The following CDYL2 variants were observed in gnomAD, a reference collection of about 807,000 sequenced individuals.
CDYL2 encodes chromodomain Y-like protein 2.
A neutral mutation model predicts 49.4 loss-of-function variants in CDYL2; 23 were observed. That is an observed-to-expected ratio of 0.47 (90% CI 0.34 to 0.66). The LOEUF is 0.66. CDYL2 is among the 30% of genes least tolerant of loss of function. The pLI, the probability that CDYL2 is intolerant of heterozygous loss-of-function variation, is 0.01. For synonymous variants in CDYL2, 360 were observed against 268.8 expected (o/e 1.34, Z -3.32); for missense variants, 678 against 656.4 (o/e 1.03, Z -0.36).
intron 1 of CDYL2, among the ~76,000 whole-genome samples, chr16:80,728,239 G>C (rs1456400830): frequency 3.3e-5 from 5 of 152,042 alleles, no homozygotes; most frequent in Non-Finnish European, 7.4e-5. Context: ...AACCAATACA[G>C]AGAAGTGCTT....
At chr16:80,776,675 A>G (rs1208001789) in intron 1 of CDYL2, among the ~76,000 whole-genome samples, 1 of 151,346 alleles carries the variant, frequency 6.6e-6, no homozygotes, top group East Asian at 1.9e-4. Flanking sequence ...TGATATTAAC[A>G]TGGATAAATC....
intron 1 of CDYL2, among the ~76,000 whole-genome samples, chr16:80,697,278 A>G (rs1199288598): frequency 6.6e-6 from 1 of 152,234 alleles, no homozygotes; most frequent in Admixed American, 6.5e-5. Flanking sequence ...CATACATTAG[A>G]AAATAAATGT....
intron 2 of CDYL2, among the ~76,000 whole-genome samples, chr16:80,670,556 A>C (rs1433882434): frequency 1.3e-5 from 2 of 152,118 alleles, no homozygotes; most frequent in Admixed American, 6.5e-5. Flanking sequence ...GAATGGACTA[A>C]TACAAGCAGC....
At chr16:80,645,228 G>A (rs1019918726) in intron 2 of CDYL2, among the ~76,000 whole-genome samples, 6 of 152,164 alleles carry the variant, frequency 3.9e-5, no homozygotes, top group African/African-American at 1.4e-4. Flanking sequence ...GAACATTTTT[G>A]CAATCTACTC....
intron 2 of CDYL2, among the ~76,000 whole-genome samples, chr16:80,637,311 G>T (rs566457803): frequency 1.1e-4 from 16 of 152,118 alleles, no homozygotes; most frequent in Non-Finnish European, 1.5e-4. Flanking sequence ...CTTACTTAGC[G>T]GTGAGAAATG....
chr16:80,659,587 T>C (rs1242247961), intron 2 of CDYL2, among the ~76,000 whole-genome samples: 1 of 151,986 alleles, frequency 6.6e-6, no homozygotes, highest in Non-Finnish European at 1.5e-5. Context: ...TTGTATATAG[T>C]TTATATAATG....
chr16:80,752,125 C>CA (rs1344890524), intron 1 of CDYL2, among the ~76,000 whole-genome samples: 2 of 136,752 alleles, frequency 1.5e-5, no homozygotes, highest in African/African-American at 4.9e-5. Context: ...AATCTAAAAC[C>CA]AAAAAAACAT....
intron 1 of CDYL2, among the ~76,000 whole-genome samples, chr16:80,723,049 G>T (rs1439706145): frequency 6.6e-6 from 1 of 152,226 alleles, no homozygotes; most frequent in Non-Finnish European, 1.5e-5. Flanking sequence ...CCTCTGAACT[G>T]CCACACTCGG....
intron 4 of CDYL2, among the ~76,000 whole-genome samples, chr16:80,613,531 G>A (rs1045057354): frequency 1.3e-5 from 2 of 152,236 alleles, no homozygotes; most frequent in East Asian, 1.9e-4. Context: ...TGTTAGGATG[G>A]CTCTGACTAA....
intron 2 of CDYL2, among the ~76,000 whole-genome samples, chr16:80,637,813 C>T (rs979822113): frequency 3.3e-5 from 5 of 152,136 alleles, no homozygotes; most frequent in Non-Finnish European, 5.9e-5. Flanking sequence ...TCTCAATTAC[C>T]CTGATTACCC....
Position 80,604,547 on chromosome 16 carries a change from C to T in CDYL2, c.1363-1G>A. 6.2e-7 allele frequency: 1 copy of T among 1,614,114 alleles called. No homozygotes were observed. Among genetic ancestry groups the T allele is most frequent in the Non-Finnish European group, 8.5e-7 (1 of 1,179,946 alleles). ...CGAGGCATTTGGACTCCTCTAACACCTAGAGGGAAATAGACAGGCCTGATT... is the reference window on the plus strand; with the variant it reads ...CGAGGCATTTGGACTCCTCTAACACTTAGAGGGAAATAGACAGGCCTGATT... On this transcript the variant is annotated splice_acceptor_variant, in intron 6 of 6. Coordinates refer to ENST00000570137, the MANE Select transcript of CDYL2 (RefSeq NM_152342.4). LOFTEE classifies it high-confidence loss of function.
intron 1 of CDYL2, among the ~76,000 whole-genome samples, chr16:80,719,198 A>C (rs2142522616): frequency 6.6e-6 from 1 of 152,246 alleles, no homozygotes. Flanking sequence ...CGTGAATGCA[A>C]AGGCAATGTT....
At chr16:80,642,560 G>A (rs545098202) in intron 2 of CDYL2, among the ~76,000 whole-genome samples, 5 of 152,268 alleles carry the variant, frequency 3.3e-5, no homozygotes, top group South Asian at 2.1e-4. Context: ...GAATTAGTCC[G>A]TTTTCACGCT....
At chr16:80,715,271 G>T (rs955368004) in intron 1 of CDYL2, among the ~76,000 whole-genome samples, 1 of 152,102 alleles carries the variant, frequency 6.6e-6, no homozygotes, top group African/African-American at 2.4e-5. Flanking sequence ...CTTGGCACTG[G>T]CCTGAGGATA....
intron 1 of CDYL2, among the ~76,000 whole-genome samples, chr16:80,777,001 TA>T (rs761681891): frequency 1.3e-5 from 2 of 151,968 alleles, no homozygotes; most frequent in South Asian, 2.1e-4. Context: ...GTTTTTTTTT[TA>T]ATAGGGACGG....
intron 1 of CDYL2, among the ~76,000 whole-genome samples, chr16:80,774,375 G>C (rs12443873): frequency 0.072 from 10,913 of 151,468 alleles, 488 homozygotes; most frequent in African/African-American, 0.12. Context: ...AGAGGAGAAA[G>C]GGGGTTATCA....
intron 1 of CDYL2, among the ~76,000 whole-genome samples, chr16:80,767,902 C>G (rs894599027): frequency 6.6e-6 from 1 of 152,208 alleles, no homozygotes; most frequent in African/African-American, 2.4e-5. Context: ...CCTCTGTCTG[C>G]TACTGCAAAT....
intron 1 of CDYL2, among the ~76,000 whole-genome samples, chr16:80,761,646 T>G (rs1357928897): frequency 1.3e-5 from 2 of 152,002 alleles, no homozygotes; most frequent in Non-Finnish European, 2.9e-5. Context: ...GAAGACCAGA[T>G]CTTATAGGAG....
chr16:80,719,785 G>C (rs1343948212), intron 1 of CDYL2, among the ~76,000 whole-genome samples: 1 of 152,200 alleles, frequency 6.6e-6, no homozygotes, highest in Non-Finnish European at 1.5e-5. Context: ...GACAGGAAGT[G>C]CCTTGTTCAC....
Sources: allele counts gnomAD v4.1 joint callset (sites outside exome capture counted in the v4.1 genomes callset), GRCh38; gene constraint gnomAD v4.1.1; transcripts MANE v1.5; gene names NCBI Gene and HGNC (gene_info 2026-07-23, HGNC 2026-07-21).